The following ATL2 variants were observed in gnomAD, a reference collection of about 807,000 sequenced individuals.
ATL2 encodes atlastin-2.
A neutral mutation model predicts 73.9 loss-of-function variants in ATL2; 31 were observed. The observed-to-expected ratio is 0.42, with a 90% confidence interval of 0.32 to 0.57. The LOEUF (loss-of-function observed/expected upper bound fraction) is 0.57, where lower values mean the gene tolerates loss of function less well. Among genes scored for constraint, ATL2 ranks in the 20% least tolerant of loss-of-function variants. The pLI is 0.14. For missense variants in ATL2, 738 were observed against 702.6 expected, an observed-to-expected ratio of 1.05 and a Z score of -0.57; for synonymous variants, 291 against 237.5, an observed-to-expected ratio of 1.23 and a Z score of -2.07.
intron 2 of ATL2, among the ~76,000 whole-genome samples, chr2:38,324,237 C>A (rs760061166): frequency 1.4e-4 from 22 of 152,168 alleles, no homozygotes; most frequent in Non-Finnish European, 2.8e-4. Context: ...AAGATCGCGC[C>A]ATTGCACTCC....
intron 9 of ATL2, among the ~76,000 whole-genome samples, chr2:38,308,171 C>T (rs1353909486): frequency 6.6e-6 from 1 of 152,158 alleles, no homozygotes; most frequent in Non-Finnish European, 1.5e-5. Context: ...TACTGCAGCA[C>T]TAGTCACTAC....
intron 1 of ATL2, among the ~76,000 whole-genome samples, chr2:38,365,018 T>C (rs1353766329): frequency 1.3e-5 from 2 of 149,194 alleles, no homozygotes; most frequent in Non-Finnish European, 3.0e-5. Flanking sequence ...CACTCCAGCC[T>C]GGGGTACAGA....
rs1311581050 is a variant in ATL2 at position 38,319,009 on chromosome 2, C to A, written c.374G>T (p.Ser125Ile). ...LRYMYNKDSQSWIGGNNEPLT... is the reference protein window; with the variant it reads ...LRYMYNKDSQIWIGGNNEPLT... Reference sequence around the variant, plus strand: ...TGGTTCATTGTTTCCACCAATCCAACTTTGAGAATCCTGTTAAAGTCAAGG... The same window carrying A: ...TGGTTCATTGTTTCCACCAATCCAAATTTGAGAATCCTGTTAAAGTCAAGG... The change falls in exon 3 of 13, where the codon AGT becomes ATT. Residue 125 changes from serine (S) to isoleucine (I), a missense_variant. Physicochemically the swap from Ser to Ile is moderately radical, Grantham distance 142 (BLOSUM62 -2). Coordinates refer to ENST00000378954, the MANE Select transcript of ATL2 (RefSeq NM_001135673.4). 2 of 1,612,440 alleles carry A rather than the reference C, an allele frequency of 1.2e-6. No individual in the cohort carries two copies. The highest frequency in any genetic ancestry group is 2.7e-5 in the African/African-American group (2 of 74,958).
chr2:38,357,647 G>C (rs141267033), intron 1 of ATL2, among the ~76,000 whole-genome samples: 2 of 92,790 alleles, frequency 2.2e-5, no homozygotes, highest in South Asian at 8.7e-4. Context: ...GCAAGACTCC[G>C]TCTCAAAAAA....
chr2:38,306,917 A>G (rs1181612191), intron 9 of ATL2, among the ~76,000 whole-genome samples: 1 of 152,248 alleles, frequency 6.6e-6, no homozygotes. Context: ...TGAGAAAATG[A>G]CAGTGGCTTC....
In ATL2 at chr2:38,323,857, C is replaced by A. The variant is rs76861768; in HGVS notation, c.364-4838G>T. Among the ~76,000 whole-genome samples the A allele has an allele frequency of 3.6e-3, 554 of 152,234 alleles. 8 individuals carry two copies. Among genetic ancestry groups the A allele is most frequent in the African/African-American group, 0.013 (520 of 41,536 alleles). On this transcript the variant is annotated intron_variant, in intron 2 of 12. Coordinates refer to ENST00000378954, the MANE Select transcript of ATL2 (RefSeq NM_001135673.4). ...CCTGCCAGGCCTACATGTATCAGAG[C>A]ACACCCGCTCCTGACTGCTGGCAAG...
intron 2 of ATL2, among the ~76,000 whole-genome samples, chr2:38,330,029 T>C (rs1668892698): frequency 6.6e-6 from 1 of 151,864 alleles, no homozygotes. Context: ...CTGTGGAGGC[T>C]GAGGCAGGAG....
At chr2:38,309,530 CATATTAGTCCAAAAAA>C (rs1298174447) in intron 8 of ATL2, 24 bp from the exon 9 acceptor site, 2 of 1,593,778 alleles carry the variant, frequency 1.3e-6, no homozygotes, top group Admixed American at 3.7e-5. Context: ...AATTGAGCAA[CATATTAGTCCAAAAAA>C]AATTAGGTCC....
intron 2 of ATL2, among the ~76,000 whole-genome samples, chr2:38,321,549 T>C (rs1668322853): frequency 6.6e-6 from 1 of 152,162 alleles, no homozygotes; most frequent in African/African-American, 2.4e-5. Context: ...CATATTGGTC[T>C]CTATGCAACT....
At chr2:38,352,722 A>G (rs559763010) in intron 1 of ATL2, among the ~76,000 whole-genome samples, 18 of 152,314 alleles carry the variant, frequency 1.2e-4, no homozygotes, top group Non-Finnish European at 1.9e-4. Context: ...AAACATCTAT[A>G]CCTTAGGCAT....
At chr2:38,325,627 TACACACAC>T (rs768444431) in intron 2 of ATL2, among the ~76,000 whole-genome samples, 5,742 of 53,398 alleles carry the variant, frequency 0.11, 833 homozygotes, top group African/African-American at 0.25. Context: ...CACCAGTACA[TACACACAC>T]ACACACACAC....
At chr2:38,297,930 G>C (rs1012838170) in intron 12 of ATL2, 47 of 513,038 alleles carry the variant, frequency 9.2e-5, no homozygotes, top group Admixed American at 2.1e-4. Flanking sequence ...TCTATCCAGA[G>C]GATAGTACAG....
rs571102240 is a variant in ATL2 at position 38,369,680 on chromosome 2, A to G, written c.118+7463T>C. Among the ~76,000 whole-genome samples, 36 of 152,104 alleles carry G rather than the reference A, an allele frequency of 2.4e-4. No homozygotes were observed. In the East Asian group the frequency reaches 6.8e-3, roughly 29 times the overall value. ...GGCAGGAGGTTCACTTGAGCCCAGAAGGTGGAGGCTGCATATTTGAGACCC... is the reference window on the plus strand; with the variant it reads ...GGCAGGAGGTTCACTTGAGCCCAGAGGGTGGAGGCTGCATATTTGAGACCC... On this transcript the variant is annotated intron_variant, in intron 1 of 12. Transcript: ENST00000378954.
chr2:38,376,031 C>G lies in ATL2; in HGVS notation c.118+1112G>C, dbSNP rs1671939029. On this transcript the variant is annotated intron_variant, in intron 1 of 12. Coordinates refer to ENST00000378954, the MANE Select transcript of ATL2 (RefSeq NM_001135673.4). ...ATGCTTTACATTTTATCCAGCAAAACCTTTACACACCGTAAAAAAAGAAAT... is the reference window on the plus strand; with the variant it reads ...ATGCTTTACATTTTATCCAGCAAAAGCTTTACACACCGTAAAAAAAGAAAT... 2.9e-6 allele frequency: 4 copies of G among 1,363,396 alleles called. No homozygotes were observed. The South Asian group carries it at 7.5e-5, about 26-fold the overall frequency. The allele number at this position is 1,363,396 out of a possible 1,614,324, so 84.5% of individuals were successfully genotyped here.
At position 38,295,249 on chromosome 2, in the gene ATL2, CTG is replaced by C. The variant is rs1666832576; in HGVS notation, c.*743_*744del. The stretch of plus-strand genomic sequence containing the variant: ...GATTTTAGAAAATAAAAGCTACACA[CTG>C]TACAGACACTCTTAACTCATAGCTG... On this transcript the variant is annotated 3_prime_UTR_variant, in exon 13 of 13. Coordinates refer to ENST00000378954, the MANE Select transcript of ATL2 (RefSeq NM_001135673.4). 6.6e-6 allele frequency: 1 copy of C among 152,126 alleles called. No individual in the cohort carries two copies. Among genetic ancestry groups the C allele is most frequent in the African/African-American group, 2.4e-5 (1 of 41,416 alleles). 9.4% of individuals were successfully genotyped at this position (152,126 alleles called of 1,614,324 possible).
rs542181188 is a variant in ATL2, at chr2:38,355,341, G to C, written c.119-11829C>G. On this transcript the variant is annotated intron_variant, in intron 1 of 12. Coordinates refer to ENST00000378954, the MANE Select transcript of ATL2 (RefSeq NM_001135673.4). Reference sequence around the variant, plus strand: ...AGGGTTTCATCACATTGGTCAGGCTGGTCTTGAACTTCTGACCTCCCTCAT... The same window carrying C: ...AGGGTTTCATCACATTGGTCAGGCTCGTCTTGAACTTCTGACCTCCCTCAT... Among the ~76,000 whole-genome samples, 8 of 152,238 alleles carry C rather than the reference G, an allele frequency of 5.3e-5. No individual in the cohort carries two copies. The South Asian group carries it at 1.5e-3, about 28-fold the overall frequency.
chr2:38,325,699 T>TACACACACACACAC (rs1221635411), intron 2 of ATL2, among the ~76,000 whole-genome samples: 18 of 11,288 alleles, frequency 1.6e-3, no homozygotes, highest in East Asian at 3.6e-3. Flanking sequence ...CACACACCAG[T>TACACACACACACAC]ACACACACAC....
intron 1 of ATL2, among the ~76,000 whole-genome samples, chr2:38,374,836 T>C (rs1263974532): frequency 2.6e-5 from 4 of 152,212 alleles, no homozygotes; most frequent in Non-Finnish European, 4.4e-5. Context: ...CTTGTGAATA[T>C]TCCAAAACTT....
At chr2:38,357,471 T>C (rs1296814843) in intron 1 of ATL2, among the ~76,000 whole-genome samples, 2 of 150,404 alleles carry the variant, frequency 1.3e-5, no homozygotes, top group African/African-American at 4.9e-5. Context: ...AGAAGTAGCA[T>C]GGTGAAACCT....
Sources: allele counts gnomAD v4.1 joint callset (sites outside exome capture counted in the v4.1 genomes callset), GRCh38; gene constraint gnomAD v4.1.1; transcripts MANE v1.5; gene names NCBI Gene and HGNC (gene_info 2026-07-23, HGNC 2026-07-21).